ITGA6: variants seen among roughly 807,000 people sequenced by gnomAD.
The protein encoded by ITGA6 is integrin alpha-6.
ITGA6 carries 63 observed loss-of-function variants against 133.6 expected under a neutral mutation model. The ratio of observed to expected loss-of-function variants is 0.47; its 90% CI spans 0.38 to 0.58. The LOEUF (loss-of-function observed/expected upper bound fraction) is 0.58. Ranked by LOEUF, ITGA6 falls within the 20% of genes least tolerant of loss-of-function variation. The pLI is 0.00. For missense variants in ITGA6, 1,068 were observed against 1,309.4 expected, an observed-to-expected ratio of 0.82 and a Z score of 2.85; for synonymous variants, 434 against 482.0, an observed-to-expected ratio of 0.90 and a Z score of 1.30.
chr2:172,450,135 A>G (rs2149014913), intron 1 of ITGA6, among the ~76,000 whole-genome samples: 1 of 152,244 alleles, frequency 6.6e-6, no homozygotes, highest in East Asian at 1.9e-4. Context: ...GTGCAGCTGG[A>G]GAGGCAGAGA....
intron 6 of ITGA6, among the ~76,000 whole-genome samples, chr2:172,474,542 A>G (rs1159993834): frequency 6.6e-6 from 1 of 152,226 alleles, no homozygotes; most frequent in Admixed American, 6.5e-5. Flanking sequence ...ATTGACTCAG[A>G]AAACACTTGC....
intron 5 of ITGA6, chr2:172,472,764 A>G: frequency 6.4e-7 from 1 of 1,555,998 alleles, no homozygotes; most frequent in Non-Finnish European, 8.9e-7. Context: ...CGTCCCGTGC[A>G]TGCGTACAGG....
intron 5 of ITGA6, chr2:172,472,986 A>G: frequency 1.3e-6 from 1 of 757,794 alleles, no homozygotes; most frequent in South Asian, 1.5e-5. Context: ...TTTATGCCCT[A>G]TTTTGTTTCC....
intron 1 of ITGA6, among the ~76,000 whole-genome samples, chr2:172,446,405 G>A (rs1235411369): frequency 6.6e-6 from 1 of 152,144 alleles, no homozygotes; most frequent in Non-Finnish European, 1.5e-5. Flanking sequence ...TTTATGCTTG[G>A]TACACTTGAA....
Position 172,487,611 on chromosome 2 carries a change from C to G in ITGA6, c.2225C>G (p.Pro742Arg). 6.2e-7 allele frequency: 1 copy of G among 1,614,122 alleles called. No homozygotes were observed. Among genetic ancestry groups the G allele is most frequent in the East Asian group, 2.2e-5 (1 of 44,886 alleles). ...GSQADCELGN[P>R]FKRNSNVTFY... ...CAAGCTGACTGTGAGCTCGGAAATC[C>G]TTTTAAAAGAAATTCAAATGTAGGT... Residue 742 changes from proline to arginine, a missense_variant, in exon 16 of 26, where the codon CCT becomes CGT. This residue lies in a region of ITGA6 where 609 missense variants were observed against 707.2 expected (regional missense o/e 0.86). Coordinates refer to ENST00000684293, the MANE Select transcript of ITGA6 (RefSeq NM_000210.4).
chr2:172,487,230 T>C (rs1485999502), intron 14 of ITGA6, 34 bp from the exon 15 acceptor site: 2 of 1,581,328 alleles, frequency 1.3e-6, no homozygotes, highest in African/African-American at 2.7e-5. Flanking sequence ...TTGAGGACTT[T>C]GCCTTTTTGT....
chr2:172,474,090 A>G lies in ITGA6; in HGVS notation c.811A>G (p.Lys271Glu). Residue 271 changes from lysine to glutamate, a missense_variant, in exon 6 of 26, where the codon AAA (lysine) becomes GAA (glutamate). This residue lies in a region of ITGA6 where 317 missense variants were observed against 456.9 expected (regional missense o/e 0.69). Transcript: ENST00000684293. Reference protein sequence around the residue: ...SLDSGKGIVSKDEITFVSGAP... With the variant: ...SLDSGKGIVSEDEITFVSGAP... The stretch of plus-strand genomic sequence containing the variant: ...GGACTCAGGGAAAGGTATTGTTTCT[A>G]AAGATGAGATCACTTTTGTATCTGG... 3.1e-6 allele frequency: 5 copies of G among 1,613,662 alleles called. No homozygotes were observed. The South Asian group carries it at 4.4e-5, about 14-fold the overall frequency.
At position 172,504,216 on chromosome 2, in the gene ITGA6, G is replaced by A. The variant is rs1454236240; in HGVS notation, c.*148G>A. ...TTGATAACCTTGAAAAAAAACAGTG[G>A]ATCACAAAGTGGAACGAAAATGAAA... On this transcript the variant is annotated 3_prime_UTR_variant, in exon 26 of 26. Coordinates refer to ENST00000684293, the MANE Select transcript of ITGA6 (RefSeq NM_000210.4). 3 of 1,584,632 alleles carry A rather than the reference G, an allele frequency of 1.9e-6. No homozygotes were observed. The highest frequency in any genetic ancestry group is 1.8e-5 in the Admixed American group (1 of 55,452).
chr2:172,428,665 G>C (rs1302955041), intron 1 of ITGA6: 1 of 151,942 alleles, frequency 6.6e-6, no homozygotes, highest in Non-Finnish European at 1.5e-5. Context: ...GTACTCGGCC[G>C]CACCCGAGAC....
rs1019158321 is a variant in ITGA6, at chr2:172,432,744, C to T, written c.182+4774C>T. 2.0e-5 allele frequency among the ~76,000 whole-genome samples: 3 copies of T among 152,088 alleles called. No individual in the cohort carries two copies. The South Asian group carries it at 6.2e-4, about 32-fold the overall frequency. ...CTAAAGGCAGACTTTAGAACCTAAC[C>T]CCAGAAATACAGGCTGACCTACACT... On this transcript the variant is annotated intron_variant, in intron 1 of 25. Coordinates refer to ENST00000684293, the MANE Select transcript of ITGA6 (RefSeq NM_000210.4).
At chr2:172,503,651 T>C (rs1687439430) in intron 25 of ITGA6, 1 of 152,498 alleles carries the variant, frequency 6.6e-6, no homozygotes, top group African/African-American at 2.4e-5. Context: ...ATTTGTAAAA[T>C]ACTTGTGACA....
intron 23 of ITGA6, among the ~76,000 whole-genome samples, chr2:172,495,751 A>C (rs540551607): frequency 1.3e-5 from 2 of 152,304 alleles, no homozygotes; most frequent in East Asian, 3.9e-4. Flanking sequence ...TGGGGCTTAG[A>C]GCTTCAGCTG....
rs1049761816 is a variant in ITGA6 at position 172,448,705 on chromosome 2, TC to T, written c.183-16833del. Among the ~76,000 whole-genome samples the T allele has an allele frequency of 1.4e-4, 21 of 152,338 alleles. 1 individual carries two copies. Among genetic ancestry groups the T allele is most frequent in the African/African-American group, 5.1e-4 (21 of 41,580 alleles). On this transcript the variant is annotated intron_variant, in intron 1 of 25. Transcript: ENST00000684293. Reference sequence around the variant, plus strand: ...AGAGCCTCAGCCTTTTAACCAACTTTCTGTGTAAACATGAAAATTCCGGGCT... The same window carrying T: ...AGAGCCTCAGCCTTTTAACCAACTTTTGTGTAAACATGAAAATTCCGGGCT...
chr2:172,467,389 G>A, intron 2 of ITGA6, 92 bp from the exon 3 acceptor site: 1 of 925,274 alleles, frequency 1.1e-6, no homozygotes, highest in Non-Finnish European at 1.8e-6. Flanking sequence ...TCAGAGTCGA[G>A]GCCATTTGGA....
intron 1 of ITGA6, among the ~76,000 whole-genome samples, chr2:172,442,515 C>T (rs1281461993): frequency 6.6e-6 from 1 of 152,096 alleles, no homozygotes. Context: ...CATGGATGTT[C>T]ATAGGGAAGG....
At chr2:172,438,672 A>G (rs930531866) in intron 1 of ITGA6, among the ~76,000 whole-genome samples, 13 of 151,908 alleles carry the variant, frequency 8.6e-5, no homozygotes, top group African/African-American at 3.1e-4. Context: ...CGGCATATCC[A>G]ATCAACATCA....
At chr2:172,444,737 A>AC (rs1021664163) in intron 1 of ITGA6, among the ~76,000 whole-genome samples, 8 of 126,266 alleles carry the variant, frequency 6.3e-5, no homozygotes, top group African/African-American at 2.1e-4. Context: ...TCACATAGGA[A>AC]CCCCCCTAAT....
intron 1 of ITGA6, among the ~76,000 whole-genome samples, chr2:172,429,279 C>A (rs2148988190): frequency 6.6e-6 from 1 of 152,032 alleles, no homozygotes; most frequent in Middle Eastern, 3.4e-3. Flanking sequence ...TGGCCAGCTG[C>A]TTATACTCTG....
At chr2:172,440,152 G>A (rs938018043) in intron 1 of ITGA6, among the ~76,000 whole-genome samples, 4 of 152,200 alleles carry the variant, frequency 2.6e-5, no homozygotes, top group African/African-American at 9.7e-5. Flanking sequence ...CGTGCATATG[G>A]AAGGCACCCT....
Sources: allele counts gnomAD v4.1 joint callset (sites outside exome capture counted in the v4.1 genomes callset), GRCh38; gene constraint gnomAD v4.1.1; regional missense constraint gnomAD v4.1.1; transcripts MANE v1.5; gene names NCBI Gene and HGNC (gene_info 2026-07-23, HGNC 2026-07-21).